TENM1: variants seen among roughly 807,000 people sequenced by gnomAD.
TENM1 encodes the protein teneurin transmembrane protein 1.
A neutral mutation model predicts 174.8 loss-of-function variants in TENM1; 35 were observed. The observed-to-expected ratio is 0.20, with a 90% CI of 0.15 to 0.27. The LOEUF is 0.27. Among genes scored for constraint, TENM1 ranks in the 10% least tolerant of loss-of-function variants. TENM1 has a pLI of 1.00. For missense variants in TENM1, 1,633 were observed against 2,130.1 expected, an observed-to-expected ratio of 0.77 and a Z score of 4.59; for synonymous variants, 781 against 798.7, an observed-to-expected ratio of 0.98 and a Z score of 0.37.
intron 8 of TENM1, among the ~76,000 whole-genome samples, chrX:124,647,416 C>A (rs1415145768): frequency 8.1e-5 from 9 of 111,182 alleles, no homozygotes; most frequent in Non-Finnish European, 1.7e-4. Context: ...ACTGTAAATG[C>A]TTATCCGTTT....
In TENM1 at chrX:124,723,895, G is replaced by A. The variant is rs144445409; in HGVS notation, c.776+13062C>T. On this transcript the variant is annotated intron_variant, in intron 4 of 31. Transcript: ENST00000422452. ...ATTATAGGCATGAGCAACCATGCCC[G>A]GCCGAAGCTGGGTTTTAACTGACTC... Among the ~76,000 whole-genome samples the A allele has an allele frequency of 2.7e-3, 295 of 111,284 alleles. 1 individual carries two copies. The highest frequency in any genetic ancestry group is 8.7e-3 in the African/African-American group (268 of 30,631).
chrX:124,694,751 G>C (rs1444257882), intron 5 of TENM1, among the ~76,000 whole-genome samples: 1 of 111,826 alleles, frequency 8.9e-6, no homozygotes, highest in African/African-American at 3.2e-5. Flanking sequence ...GCATCTATGA[G>C]AGAGTCATCC....
rs559982310 is a variant in TENM1, at chrX:124,692,011, A to G, written c.1015+13002T>C. Among the ~76,000 whole-genome samples the G allele has an allele frequency of 2.0e-4, 22 of 112,176 alleles. No individual in the cohort carries two copies. In the South Asian group the frequency reaches 8.1e-3, roughly 41 times the overall value. On this transcript the variant is annotated intron_variant, in intron 5 of 31. Coordinates refer to ENST00000422452, the Ensembl canonical transcript of TENM1. ...TTTCTGGTATTTAAATATTCTTATT[A>G]ATTTGTACGTTCATTTCACCATGAT... is the stretch of plus-strand genomic sequence containing the variant.
At chrX:124,755,664 G>A (rs1356518460) in intron 3 of TENM1, among the ~76,000 whole-genome samples, 1 of 110,949 alleles carries the variant, frequency 9.0e-6, no homozygotes, top group Non-Finnish European at 1.9e-5. Context: ...TCCTTCAGGA[G>A]CTCTTTTAGG....
At chrX:124,563,349 T>C (rs1235890683) in intron 13 of TENM1, among the ~76,000 whole-genome samples, 1 of 109,021 alleles carries the variant, frequency 9.2e-6, no homozygotes, top group Non-Finnish European at 1.9e-5. Context: ...AGAAAGTTCA[T>C]CTTCTGAACC....
chrX:125,128,864 G>T, the TENM1 span, among the ~76,000 whole-genome samples: 1 of 111,790 alleles, frequency 8.9e-6, no homozygotes, highest in Admixed American at 9.5e-5. Context: ...TGCTGATGCT[G>T]TTGGTGTTGG....
At chrX:125,103,286 G>T in the TENM1 span, among the ~76,000 whole-genome samples, 1 of 111,099 alleles carries the variant, frequency 9.0e-6, no homozygotes, top group African/African-American at 3.3e-5. Flanking sequence ...ACTGTAAAAT[G>T]GTACCTAAAT....
rs6649271 is a variant in TENM1 at position 124,641,947 on chromosome X, T to C, written c.1921A>G (p.Lys641Glu). ...CCAGTAGAACAGTGACATTCTCCTTTTACACAGATGCCATGGTTGGAACAC... is the reference window on the plus strand; with the variant it reads ...CCAGTAGAACAGTGACATTCTCCTTCTACACAGATGCCATGGTTGGAACAC... The change falls in exon 11 of 32, where the codon AAA becomes GAA. Residue 641 changes from lysine to glutamate, a missense_variant. By Grantham distance (56) the Lys-to-Glu change is moderately conservative. Transcript: ENST00000422452. 2.8e-4 allele frequency: 337 copies of C among 1,209,949 alleles called. 3 individuals are homozygous for C. In the East Asian group the frequency reaches 9.1e-3, roughly 33 times the overall value.
chrX:124,952,335 G>T (rs1200281330), intron 1 of TENM1, among the ~76,000 whole-genome samples: 2 of 98,792 alleles, frequency 2.0e-5, no homozygotes, highest in African/African-American at 3.7e-5. Flanking sequence ...TTATGTATGG[G>T]GTGTGTGTGT....
At chrX:124,577,299 G>T in intron 11 of TENM1, among the ~76,000 whole-genome samples, 1 of 111,238 alleles carries the variant, frequency 9.0e-6, no homozygotes, top group East Asian at 2.8e-4. Context: ...CTGGGCAGGG[G>T]CTGCATACAT....
At chrX:124,512,376 A>T (rs1456264591) in intron 18 of TENM1, among the ~76,000 whole-genome samples, 1 of 111,736 alleles carries the variant, frequency 8.9e-6, no homozygotes, top group Non-Finnish European at 1.9e-5. Context: ...TTTAGAGTCA[A>T]AGAATAAAGC....
At chrX:124,646,577 C>T in intron 9 of TENM1, 132 bp downstream of exon 12, 2 of 447,905 alleles carry the variant, frequency 4.5e-6, no homozygotes. Context: ...CTTTTGGCAG[C>T]AGCCATAGGG....
the TENM1 span, among the ~76,000 whole-genome samples, chrX:125,154,992 T>G: frequency 9.0e-6 from 1 of 111,603 alleles, no homozygotes; most frequent in Non-Finnish European, 1.9e-5. Context: ...TCCCACAGCG[T>G]GGAAGGGGAC....
At chrX:125,162,096 T>G in the TENM1 span, among the ~76,000 whole-genome samples, 1 of 111,432 alleles carries the variant, frequency 9.0e-6, no homozygotes, top group Non-Finnish European at 1.9e-5. Flanking sequence ...TTCTGCCCCT[T>G]TCTGCATTGT....
the TENM1 span, among the ~76,000 whole-genome samples, chrX:125,100,283 T>A: frequency 8.9e-6 from 1 of 112,002 alleles, no homozygotes; most frequent in Non-Finnish European, 1.9e-5. Flanking sequence ...TATGGTGAAT[T>A]TGACAAGTTG....
intron 3 of TENM1, among the ~76,000 whole-genome samples, chrX:124,786,220 T>C (rs1227702272): frequency 9.0e-6 from 1 of 111,231 alleles, no homozygotes; most frequent in Non-Finnish European, 1.9e-5. Flanking sequence ...CAGTTGATAT[T>C]TGTACAGGAA....
intron 3 of TENM1, among the ~76,000 whole-genome samples, chrX:124,739,856 T>C (rs1259750988): frequency 8.9e-6 from 1 of 112,353 alleles, no homozygotes; most frequent in Non-Finnish European, 1.9e-5. Context: ...CTTTTGCTAA[T>C]AGAAGAGGGT....
At chrX:124,767,814 C>T (rs1385103513) in intron 3 of TENM1, among the ~76,000 whole-genome samples, 1 of 110,700 alleles carries the variant, frequency 9.0e-6, no homozygotes, top group African/African-American at 3.3e-5. Flanking sequence ...GAGATATAGC[C>T]TAAATGTTAG....
At chrX:125,096,125 A>G in the TENM1 span, among the ~76,000 whole-genome samples, 6 of 112,071 alleles carry the variant, frequency 5.4e-5, no homozygotes, top group Admixed American at 4.7e-4. Flanking sequence ...ATCAGTGAAT[A>G]GTACAGATCT....
Sources: allele counts gnomAD v4.1 joint callset (sites outside exome capture counted in the v4.1 genomes callset), GRCh38; gene constraint gnomAD v4.1.1; transcripts MANE v1.5; gene names NCBI Gene and HGNC (gene_info 2026-07-23, HGNC 2026-07-21).